The following L3MBTL1 variants were observed in gnomAD, a reference collection of about 807,000 sequenced individuals.
The protein encoded by L3MBTL1 is L3MBTL histone methyl-lysine binding protein 1.
A neutral mutation model predicts 105.3 loss-of-function variants in L3MBTL1; 75 were observed. The ratio of observed to expected loss-of-function variants is 0.71; its 90% confidence interval spans 0.59 to 0.86. L3MBTL1 has a LOEUF of 0.86. Ranked by LOEUF, L3MBTL1 falls within the 40% of genes least tolerant of loss-of-function variation. The pLI is 0.00. For missense variants in L3MBTL1, 1,069 were observed against 1,126.4 expected (o/e 0.95, Z 0.73); for synonymous variants, 452 against 436.2 (o/e 1.04, Z -0.45).
Position 43,541,412 on chromosome 20 carries a change from G to A in L3MBTL1, c.*284G>A. On this transcript the variant is annotated 3_prime_UTR_variant, in exon 22 of 22. Transcript: ENST00000418998. ...GAGGTCTACCTTGCAGAGCCATTGT[G>A]AGCATTGGAAATGATGAATGAATCA... 1 of 396,550 alleles carries A rather than the reference G, an allele frequency of 2.5e-6. No individual in the cohort carries two copies. Among genetic ancestry groups the A allele is most frequent in the South Asian group, 3.1e-5 (1 of 31,888 alleles). The allele number at this position is 396,550 out of a possible 1,614,324, so 24.6% of individuals were successfully genotyped here.
At chr20:43,550,092 T>C (rs1978886719) in exon 19 of L3MBTL1, 1 of 152,072 alleles carries the variant, frequency 6.6e-6, no homozygotes, top group African/African-American at 2.4e-5. Context: ...AAGGGTGACA[T>C]TGGTACCCCC....
chr20:43,514,715 G>C lies in L3MBTL1; in HGVS notation c.441G>C (p.Val147=), dbSNP rs1449248631. ...PPSPELRQEG[V]TEYEDGGAPA... ...GCCCCGAGCTGCGGCAGGAAGGCGT[G>C]ACCGAATACGAAGATGGCGGGGCCC... is the stretch of plus-strand genomic sequence containing the variant. The change falls in exon 4 of 22, where the codon GTG becomes GTC. Residue 147 remains valine, a synonymous_variant. Transcript: ENST00000418998. The C allele has an allele frequency of 6.3e-7, 1 of 1,580,312 alleles. No individual in the cohort carries two copies. Among genetic ancestry groups the C allele is most frequent in the Non-Finnish European group, 8.6e-7 (1 of 1,163,408 alleles).
At chr20:43,523,647 C>A (rs2018855502) in intron 7 of L3MBTL1, 1 of 197,080 alleles carries the variant, frequency 5.1e-6, no homozygotes, top group East Asian at 1.2e-4. Context: ...TCCTGAAGGT[C>A]TGTACTGGTC....
intron 7 of L3MBTL1, among the ~76,000 whole-genome samples, chr20:43,520,786 T>C (rs925375917): frequency 1.6e-4 from 25 of 152,070 alleles, no homozygotes; most frequent in Non-Finnish European, 2.9e-5. Context: ...CCATATGGAG[T>C]TGGTGAACAA....
chr20:43,511,300 T>TA (rs1259989032), intron 1 of L3MBTL1, among the ~76,000 whole-genome samples: 4 of 152,212 alleles, frequency 2.6e-5, no homozygotes, highest in African/African-American at 9.7e-5. Context: ...TGCCAGGTAC[T>TA]AAGTGTTGGG....
intron 6 of L3MBTL1, 118 bp from the exon 7 acceptor site, chr20:43,515,975 G>A (rs1337428353): frequency 1.4e-6 from 1 of 705,934 alleles, no homozygotes; most frequent in African/African-American, 1.8e-5. Flanking sequence ...AAGAAATTCT[G>A]CCTGTTTGGG....
chr20:43,530,926 T>C (rs1311628779), intron 11 of L3MBTL1, 37 bp downstream of exon 11: 2 of 1,536,322 alleles, frequency 1.3e-6, no homozygotes, highest in Non-Finnish European at 1.8e-6. Flanking sequence ...GTCACTCCCA[T>C]GTGCCAGAGT....
intron 19 of L3MBTL1, among the ~76,000 whole-genome samples, chr20:43,538,210 T>C (rs1001691928): frequency 1.3e-5 from 2 of 152,210 alleles, no homozygotes; most frequent in Non-Finnish European, 2.9e-5. Flanking sequence ...TGGGCACCTC[T>C]TGTACCCATC....
chr20:43,536,184 T>G lies in L3MBTL1; in HGVS notation c.2013T>G (p.Ala671=), dbSNP rs1453423142. The stretch of plus-strand genomic sequence containing the variant: ...ATTGCCTCTCAGGCTGCCCACTGGC[T>G]GAGAGGAACCAGAGCCGGCTGAAAG... ...AHHCLSGCPL[A]ERNQSRLKAE... The change falls in exon 18 of 22, where the codon GCT becomes GCG. Residue 671 remains alanine (A), a synonymous_variant. Transcript: ENST00000418998. 15 of 1,613,474 alleles carry G rather than the reference T, an allele frequency of 9.3e-6. No individual in the cohort carries two copies. The highest frequency in any genetic ancestry group is 1.3e-5 in the African/African-American group (1 of 74,950).
At chr20:43,524,798 A>G (rs904041038) in intron 7 of L3MBTL1, among the ~76,000 whole-genome samples, 1 of 152,184 alleles carries the variant, frequency 6.6e-6, no homozygotes, top group Middle Eastern at 3.2e-3. Context: ...AAAGGCACAG[A>G]GGCTCAGGGG....
At chr20:43,510,409 T>TCTTTC (rs548216947) in intron 1 of L3MBTL1, among the ~76,000 whole-genome samples, 10,705 of 141,048 alleles carry the variant, frequency 0.076, 628 homozygotes, top group African/African-American at 0.18. Flanking sequence ...TTTCTTTCTT[T>TCTTTC]TTTTTTTTTT....
At chr20:43,530,188 C>A in intron 9 of L3MBTL1, 96 bp from the exon 10 acceptor site, 2 of 1,491,672 alleles carry the variant, frequency 1.3e-6, no homozygotes, top group Middle Eastern at 2.0e-4. Context: ...AGCATTAGAG[C>A]CCCTGAGACC....
In L3MBTL1 at chr20:43,534,025, A is replaced by G. The variant is rs765248209; in HGVS notation, c.1531A>G (p.Asn511Asp). 6 of 1,613,930 alleles carry G rather than the reference A, an allele frequency of 3.7e-6. No homozygotes were observed. The East Asian group carries it at 1.3e-4, about 36-fold the overall frequency. ...TCCTCCAGACTACCCAGACCCTGAT[A>G]ACTTCTGTTGGGAGAAATATCTGGA... Reference protein sequence around the residue: ...TPPQDYPDPDNFCWEKYLEET... With the variant: ...TPPQDYPDPDDFCWEKYLEET... Residue 511 changes from asparagine to aspartate, a missense_variant, in exon 14 of 22, where the codon AAC (asparagine) becomes GAC (aspartate). Transcript: ENST00000418998.
intron 3 of L3MBTL1, chr20:43,514,346 G>T: frequency 8.1e-7 from 1 of 1,231,622 alleles, no homozygotes; most frequent in Non-Finnish European, 1.1e-6. Flanking sequence ...GCCTGTGTTA[G>T]TTTGGGGGCG....
intron 16 of L3MBTL1, 54 bp from the exon 17 acceptor site, chr20:43,535,783 C>G: frequency 8.2e-7 from 1 of 1,214,656 alleles, no homozygotes; most frequent in Admixed American, 2.3e-5. Flanking sequence ...TTCCGTGCCC[C>G]ACACTCCCCA....
intron 18 of L3MBTL1, 26 bp downstream of exon 18, chr20:43,536,320 C>T (rs761396866): frequency 2.1e-5 from 34 of 1,611,822 alleles, no homozygotes; most frequent in South Asian, 7.7e-5. Context: ...AATCAGGGCC[C>T]GGGCTTCCTG....
At position 43,541,337 on chromosome 20, in the gene L3MBTL1, T is replaced by G. The variant is rs2019906860; in HGVS notation, c.*209T>G. ...CTGTCAATTTGAGCTGTTTACTGTC[T>G]CTGAGCCTACATCTTCTTGTCTGTA... On this transcript the variant is annotated 3_prime_UTR_variant, in exon 22 of 22. Transcript: ENST00000418998. 1 of 917,456 alleles carries G rather than the reference T, an allele frequency of 1.1e-6. No individual in the cohort carries two copies. Among genetic ancestry groups the G allele is most frequent in the African/African-American group, 1.7e-5 (1 of 59,600 alleles). The allele number at this position is 917,456 out of a possible 1,614,324, so 56.8% of individuals were successfully genotyped here. A position where few individuals can be genotyped will look rare whatever the true frequency, so the allele number is the denominator to read the frequency against.
At chr20:43,518,738 G>T (rs1311167636) in intron 7 of L3MBTL1, among the ~76,000 whole-genome samples, 1 of 151,452 alleles carries the variant, frequency 6.6e-6, no homozygotes, top group Non-Finnish European at 1.5e-5. Context: ...GCCGGGCACG[G>T]TGGCTCATGC....
intron 7 of L3MBTL1, among the ~76,000 whole-genome samples, chr20:43,522,630 G>T (rs183691079): frequency 2.5e-4 from 38 of 151,084 alleles, no homozygotes; most frequent in Admixed American, 2.2e-3. Flanking sequence ...ACACCACCGT[G>T]CCTGGCTAAT....
Sources: gnomAD v4.1 joint callset for allele counts (sites outside exome capture counted in the v4.1 genomes callset) on GRCh38, gnomAD v4.1.1 for gene constraint, MANE v1.5 for transcripts, NCBI Gene and HGNC (gene_info 2026-07-23, HGNC 2026-07-21) for gene names.